The following PTGER3 variants were observed in gnomAD, a reference collection of about 807,000 sequenced individuals.
PTGER3 encodes prostaglandin E2 receptor EP3 subtype.
In PTGER3, 22 loss-of-function variants were observed where a neutral mutation model predicts 34.7. The observed-to-expected ratio is 0.63, with a 90% CI of 0.45 to 0.91. The LOEUF is 0.91. Ranked by LOEUF, PTGER3 falls within the 40% of genes least tolerant of loss-of-function variation. The probability of loss-of-function intolerance (pLI) is 0.00; values close to 1 mark genes in which losing one functional copy is unlikely to be tolerated. For synonymous variants in PTGER3, 241 were observed against 230.1 expected, an observed-to-expected ratio of 1.05 and a Z score of -0.43; for missense variants, 468 against 519.4, an observed-to-expected ratio of 0.90 and a Z score of 0.96.
At chr1:70,996,866 G>A (rs1327953190) in intron 2 of PTGER3, among the ~76,000 whole-genome samples, 1 of 151,992 alleles carries the variant, frequency 6.6e-6, no homozygotes, top group Non-Finnish European at 1.5e-5. Flanking sequence ...GTTTCACCAT[G>A]TTAGCCAGGA....
intron 2 of PTGER3, among the ~76,000 whole-genome samples, chr1:70,988,992 C>G (rs1257115609): frequency 6.6e-6 from 1 of 151,988 alleles, no homozygotes; most frequent in Non-Finnish European, 1.5e-5. Flanking sequence ...TGTATCATGC[C>G]CAGAAGTTCC....
chr1:70,975,155 C>A (rs1653558423), intron 2 of PTGER3, among the ~76,000 whole-genome samples: 1 of 152,242 alleles, frequency 6.6e-6, no homozygotes, highest in African/African-American at 2.4e-5. Context: ...AAGCTATAAG[C>A]TTCACAAGAG....
intron 4 of PTGER3, among the ~76,000 whole-genome samples, chr1:70,856,735 A>G (rs1335268983): frequency 6.6e-6 from 1 of 152,138 alleles, no homozygotes; most frequent in Non-Finnish European, 1.5e-5. Flanking sequence ...TGGAAAATGG[A>G]TAGTTCTTGG....
At chr1:70,886,383 T>G (rs983595781) in intron 4 of PTGER3, 1 of 420,788 alleles carries the variant, frequency 2.4e-6, no homozygotes, top group Admixed American at 2.5e-5. Flanking sequence ...TATCTTGTTA[T>G]AGCTTCCCAA....
At chr1:71,010,977 A>G (rs1318284409) in intron 2 of PTGER3, 1 of 985,686 alleles carries the variant, frequency 1.0e-6, no homozygotes, top group African/African-American at 1.7e-5. Context: ...AGAAACTGCA[A>G]ATGAAAATCT....
chr1:70,938,800 G>A (rs1649486169), intron 4 of PTGER3, among the ~76,000 whole-genome samples: 1 of 152,092 alleles, frequency 6.6e-6, no homozygotes, highest in Non-Finnish European at 1.5e-5. Flanking sequence ...TCTCACATTA[G>A]GCTCCTTCCA....
intron 2 of PTGER3, among the ~76,000 whole-genome samples, chr1:70,978,882 G>T (rs76055983): frequency 0.025 from 3,853 of 152,136 alleles, 178 homozygotes; most frequent in African/African-American, 0.089. Context: ...TACAGATGAG[G>T]ATATGAAGCC....
chr1:71,022,503 A>G (rs868859710), intron 1 of PTGER3, among the ~76,000 whole-genome samples: 11 of 152,024 alleles, frequency 7.2e-5, no homozygotes, highest in Admixed American at 3.9e-4. Flanking sequence ...ATCTGATATG[A>G]TACATTCTTA....
chr1:70,942,470 A>G (rs1236610754), intron 4 of PTGER3, among the ~76,000 whole-genome samples: 1 of 152,166 alleles, frequency 6.6e-6, no homozygotes, highest in Non-Finnish European at 1.5e-5. Context: ...TTTGCATCCT[A>G]AGCTCCAGCA....
At chr1:71,013,363 A>G (rs867066017) in intron 1 of PTGER3, among the ~76,000 whole-genome samples, 1 of 152,224 alleles carries the variant, frequency 6.6e-6, no homozygotes, top group Non-Finnish European at 1.5e-5. Flanking sequence ...AGTATGTTAT[A>G]TAATATGTAT....
downstream of PTGER3, among the ~76,000 whole-genome samples, chr1:70,949,317 C>G (rs768186183): frequency 6.6e-6 from 1 of 152,098 alleles, no homozygotes; most frequent in Non-Finnish European, 1.5e-5. Context: ...AATCATCAAG[C>G]GACATTAAAT....
intron 4 of PTGER3, among the ~76,000 whole-genome samples, chr1:70,925,421 C>G (rs1647966005): frequency 6.6e-6 from 1 of 152,144 alleles, no homozygotes; most frequent in African/African-American, 2.4e-5. Flanking sequence ...AAATGCACTG[C>G]TGGATATATT....
At position 70,941,192 on chromosome 1, in the gene PTGER3, A is replaced by C. The variant is rs186436235; in HGVS notation, c.*23+12571T>G. 2.7e-3 allele frequency among the ~76,000 whole-genome samples: 417 copies of C among 152,312 alleles called. 2 individuals are homozygous for C. Among genetic ancestry groups the C allele is most frequent in the Admixed American group, 3.3e-3 (51 of 15,292 alleles). On this transcript the variant is annotated intron_variant, in intron 4 of 4. Transcript: ENST00000370931. Reference sequence around the variant, plus strand: ...AAGTCTAAAAACTCCTCTAACTTGTAATGATTTTCTGTTTTATGAATATCT... The same window carrying C: ...AAGTCTAAAAACTCCTCTAACTTGTCATGATTTTCTGTTTTATGAATATCT...
chr1:71,016,370 G>GA (rs1469509133), intron 1 of PTGER3, among the ~76,000 whole-genome samples: 1 of 152,006 alleles, frequency 6.6e-6, no homozygotes, highest in Non-Finnish European at 1.5e-5. Context: ...AGTATTAAGT[G>GA]AAAAAACAGA....
At chr1:70,965,716 T>C (rs1348942719) in intron 2 of PTGER3, among the ~76,000 whole-genome samples, 1 of 152,160 alleles carries the variant, frequency 6.6e-6, no homozygotes, top group East Asian at 1.9e-4. Context: ...TCTTAATAAA[T>C]TATCCTTTGT....
At chr1:70,964,250 C>T (rs779345103) in intron 2 of PTGER3, among the ~76,000 whole-genome samples, 5 of 152,176 alleles carry the variant, frequency 3.3e-5, no homozygotes, top group Non-Finnish European at 7.3e-5. Context: ...ATCTTCTGAG[C>T]CCTGCACACT....
At chr1:71,027,215 G>C (rs1024303681) in intron 1 of PTGER3, among the ~76,000 whole-genome samples, 17 of 129,528 alleles carry the variant, frequency 1.3e-4, no homozygotes, top group Non-Finnish European at 2.4e-4. Flanking sequence ...CGAGGCTGGA[G>C]TGCAGTAATG....
intron 2 of PTGER3, among the ~76,000 whole-genome samples, chr1:70,959,470 C>T (rs1465311922): frequency 6.6e-6 from 1 of 151,966 alleles, no homozygotes; most frequent in Non-Finnish European, 1.5e-5. Flanking sequence ...CTATGATTCT[C>T]CTGCCTCAGC....
In PTGER3 at chr1:70,974,351, G is replaced by A; in HGVS notation, c.1115C>T (p.Thr372Ile). Residue 372 changes from threonine (T) to isoleucine (I), a missense_variant, in exon 3 of 4, where the codon ACC becomes ATC. Coordinates refer to ENST00000306666, the MANE Select transcript of PTGER3 (RefSeq NM_198719.2). ...YHTNNYASSS[T>I]SLPCQCSSTL... ...TGAGGAACACTGGCAGGGTAAGGAGGTGGAGCTGGATGCATAGTTGTTTGT... is the reference window on the plus strand; with the variant it reads ...TGAGGAACACTGGCAGGGTAAGGAGATGGAGCTGGATGCATAGTTGTTTGT... The A allele has an allele frequency of 1.5e-6, 2 of 1,350,798 alleles. No individual in the cohort carries two copies. The highest frequency in any genetic ancestry group is 2.1e-6 in the Non-Finnish European group (2 of 940,154). The allele number at this position is 1,350,798 out of a possible 1,614,324, so 83.7% of individuals were successfully genotyped here. A position where few individuals can be genotyped will look rare whatever the true frequency, so the allele number is the denominator to read the frequency against.
Sources: gnomAD v4.1 joint callset for allele counts (sites outside exome capture counted in the v4.1 genomes callset) on GRCh38, gnomAD v4.1.1 for gene constraint, MANE v1.5 for transcripts, NCBI Gene and HGNC (gene_info 2026-07-23, HGNC 2026-07-21) for gene names.